Variants in CCDC57 observed in about 807,000 individuals in gnomAD.
CCDC57 encodes coiled-coil domain-containing protein 57.
Under a neutral mutation model 118.9 loss-of-function variants are expected in CCDC57, and 118 were observed. That is an observed-to-expected ratio of 0.99 (90% confidence interval 0.86 to 1.16). CCDC57 has a LOEUF of 1.16. CCDC57 is among the 50% of genes most tolerant of loss of function. The pLI is 0.00. For synonymous variants in CCDC57, 527 were observed against 532.9 expected, an observed-to-expected ratio of 0.99 and a Z score of 0.15; for missense variants, 1,300 against 1,320.7, an observed-to-expected ratio of 0.98 and a Z score of 0.24.
intron 15 of CCDC57, chr17:82,157,320 G>T: frequency 2.3e-6 from 1 of 436,120 alleles, no homozygotes; most frequent in Non-Finnish European, 3.3e-6. Flanking sequence ...TGAGGGCCAT[G>T]TGGGCCCCTC....
chr17:82,144,444 A>G (rs1367697601), intron 16 of CCDC57, among the ~76,000 whole-genome samples: 1 of 152,248 alleles, frequency 6.6e-6, no homozygotes, highest in Non-Finnish European at 1.5e-5. Flanking sequence ...CTGACAAAGC[A>G]AAGGGCAGAG....
intron 19 of CCDC57, among the ~76,000 whole-genome samples, chr17:82,120,349 T>C (rs1001608839): frequency 3.3e-5 from 5 of 152,066 alleles, no homozygotes; most frequent in African/African-American, 9.7e-5. Flanking sequence ...TTACCCACAA[T>C]GCATGGAACA....
chr17:82,126,875 CGGAAGA>C (rs2037508769), intron 19 of CCDC57: 1 of 985,282 alleles, frequency 1.0e-6, no homozygotes, highest in Non-Finnish European at 1.2e-6. Flanking sequence ...ACCCTCATGA[CGGAAGA>C]CAGAAGCTGT....
intron 17 of CCDC57, among the ~76,000 whole-genome samples, chr17:82,133,631 C>T (rs895603542): frequency 1.3e-5 from 2 of 151,710 alleles, no homozygotes; most frequent in East Asian, 1.9e-4. Context: ...GAGGCAGAGG[C>T]GGGTGGATCA....
intron 2 of CCDC57, among the ~76,000 whole-genome samples, chr17:82,207,210 G>A (rs1003890578): frequency 1.3e-5 from 2 of 152,108 alleles, no homozygotes; most frequent in Non-Finnish European, 2.9e-5. Context: ...GGCGTCGCTT[G>A]TAGTCTCAGC....
exon 20 of CCDC57, chr17:82,101,585 C>T (rs561394676): frequency 3.9e-5 from 43 of 1,088,882 alleles, no homozygotes; most frequent in African/African-American, 1.9e-4. Context: ...CCACCCTGCA[C>T]GCTGTGCCCA....
At chr17:82,203,267 G>C (rs190745540) in intron 2 of CCDC57, among the ~76,000 whole-genome samples, 2 of 152,130 alleles carry the variant, frequency 1.3e-5, no homozygotes, top group Non-Finnish European at 2.9e-5. Flanking sequence ...ATGAGTAAAA[G>C]TTTCCTGAGG....
rs184810214 is a variant in CCDC57, at chr17:82,112,531, G to T, written c.2900-10665C>A. 4.6e-5 allele frequency: 7 copies of T among 152,392 alleles called. No individual in the cohort carries two copies. The East Asian group carries it at 1.3e-3, about 29-fold the overall frequency. The allele number at this position is 152,392 out of a possible 1,614,324, so 9.4% of individuals were successfully genotyped here. A position where few individuals can be genotyped will look rare whatever the true frequency, so the allele number is the denominator to read the frequency against. ...TTTTCTTCTATACATGTACAGGCTG[G>T]TCCTCAGTACAGACTCAAGAGAACC... On this transcript the variant is annotated intron_variant, in intron 19 of 19. Coordinates refer to ENST00000665763, the Ensembl canonical transcript of CCDC57.
At chr17:82,196,648 A>T (rs1448707437) in intron 4 of CCDC57, among the ~76,000 whole-genome samples, 1 of 152,204 alleles carries the variant, frequency 6.6e-6, no homozygotes, top group Non-Finnish European at 1.5e-5. Context: ...GCACCTGCAC[A>T]GACGCAGCCC....
chr17:82,131,662 A>G (rs2038387752), intron 17 of CCDC57, among the ~76,000 whole-genome samples: 5 of 151,096 alleles, frequency 3.3e-5, no homozygotes, highest in Admixed American at 3.3e-4. Context: ...TGAGGTGGAA[A>G]GATCACTTGA....
intron 2 of CCDC57, among the ~76,000 whole-genome samples, chr17:82,207,138 C>T (rs921105909): frequency 1.3e-5 from 2 of 152,078 alleles, no homozygotes. Flanking sequence ...CCCAGGAGTT[C>T]GAGACCAGCC....
chr17:82,169,321 G>A (rs1194087894), intron 13 of CCDC57, among the ~76,000 whole-genome samples: 1 of 152,074 alleles, frequency 6.6e-6, no homozygotes, highest in East Asian at 1.9e-4. Context: ...TAGAGACGGG[G>A]TTTCACCATG....
chr17:82,143,366 A>G (rs2040273619), intron 16 of CCDC57, among the ~76,000 whole-genome samples: 1 of 152,018 alleles, frequency 6.6e-6, no homozygotes, highest in Non-Finnish European at 1.5e-5. Flanking sequence ...GAACAAAAAG[A>G]GAAAAGATGG....
chr17:82,153,081 C>G (rs8073645), intron 15 of CCDC57, among the ~76,000 whole-genome samples: 1 of 151,954 alleles, frequency 6.6e-6, no homozygotes, highest in Non-Finnish European at 1.5e-5. Context: ...ATGCCTGCTC[C>G]GTGAGCACCC....
chr17:82,197,041 A>G (rs1387630689), intron 4 of CCDC57, among the ~76,000 whole-genome samples: 2 of 147,136 alleles, frequency 1.4e-5, no homozygotes, highest in African/African-American at 5.2e-5. Context: ...TGACTCCTGC[A>G]GAGATGCAGC....
chr17:82,178,695 A>G, intron 10 of CCDC57, 90 bp from the exon 10 acceptor site: 1 of 1,525,986 alleles, frequency 6.6e-7, no homozygotes. Flanking sequence ...TAGGTGGGAG[A>G]TGCTCAGAGC....
intron 13 of CCDC57, among the ~76,000 whole-genome samples, chr17:82,164,887 C>T (rs545201141): frequency 2.6e-5 from 4 of 152,212 alleles, no homozygotes; most frequent in Admixed American, 1.3e-4. Context: ...TTTTAGAAAA[C>T]GGAAAAATAG....
intron 2 of CCDC57, among the ~76,000 whole-genome samples, chr17:82,203,230 G>A (rs756370597): frequency 2.6e-5 from 4 of 152,112 alleles, no homozygotes; most frequent in South Asian, 4.1e-4. Flanking sequence ...CTCTTGCTTC[G>A]TGCCTGCTCC....
At chr17:82,149,976 C>T (rs1293632772) in intron 16 of CCDC57, among the ~76,000 whole-genome samples, 3 of 149,830 alleles carry the variant, frequency 2.0e-5, no homozygotes, top group Non-Finnish European at 3.0e-5. Flanking sequence ...GAACCTGACC[C>T]GCACCCAGAA....
Sources: allele counts gnomAD v4.1 joint callset (sites outside exome capture counted in the v4.1 genomes callset), GRCh38; gene constraint gnomAD v4.1.1; transcripts MANE v1.5; gene names NCBI Gene and HGNC (gene_info 2026-07-23, HGNC 2026-07-21).